The following TAFA1 variants were observed in gnomAD, a reference collection of about 807,000 sequenced individuals.
TAFA1 encodes TAFA chemokine like family member 1, also known as chemokine-like protein TAFA-1.
Under a neutral mutation model 18.5 loss-of-function variants are expected in TAFA1, and 4 were observed. That is an observed-to-expected ratio of 0.22 (90% CI 0.11 to 0.49). TAFA1 has a LOEUF of 0.49. Ranked by LOEUF, TAFA1 falls within the 20% of genes least tolerant of loss-of-function variation. The pLI, the probability that TAFA1 is intolerant of heterozygous loss-of-function variation, is 0.98. For synonymous variants in TAFA1, 56 were observed against 55.2 expected (o/e 1.01, Z -0.06); for missense variants, 147 against 169.0 (o/e 0.87, Z 0.72).
At chr3:68,109,109 T>G (rs1341423413) in intron 2 of TAFA1, among the ~76,000 whole-genome samples, 1 of 152,116 alleles carries the variant, frequency 6.6e-6, no homozygotes, top group African/African-American at 2.4e-5. Flanking sequence ...TGGTGTGCAT[T>G]GTTGACTCGA....
At chr3:68,471,862 A>G (rs752271839) in intron 3 of TAFA1, among the ~76,000 whole-genome samples, 2 of 152,232 alleles carry the variant, frequency 1.3e-5, no homozygotes, top group African/African-American at 4.8e-5. Flanking sequence ...TGTTAAGGAC[A>G]AAAACTCTGG....
rs190846624 is a variant in TAFA1, at chr3:68,342,037, C to T, written c.119-75243C>T. ...AGAAACTGCATCATCAAATGGTTAC[C>T]ATCTTCCCCTTAAAGCTAGTTGAGC... On this transcript the variant is annotated intron_variant, in intron 2 of 4. Coordinates refer to ENST00000478136, the MANE Select transcript of TAFA1 (RefSeq NM_213609.4). 2.0e-5 allele frequency among the ~76,000 whole-genome samples: 3 copies of T among 152,242 alleles called. No homozygotes were observed. In the East Asian group the frequency reaches 5.8e-4, roughly 29 times the overall value.
chr3:68,511,540 T>C (rs1173171479), intron 3 of TAFA1, among the ~76,000 whole-genome samples: 1 of 152,068 alleles, frequency 6.6e-6, no homozygotes, highest in Non-Finnish European at 1.5e-5. Context: ...GTAAATACCA[T>C]GAGGTTTTCA....
intron 3 of TAFA1, among the ~76,000 whole-genome samples, chr3:68,509,020 A>T (rs1239623633): frequency 6.6e-6 from 1 of 152,134 alleles, no homozygotes; most frequent in Admixed American, 6.6e-5. Context: ...TGTCTAACCC[A>T]AGAGTCCAAC....
At chr3:68,472,109 CT>C (rs534178931) in intron 3 of TAFA1, among the ~76,000 whole-genome samples, 97 of 152,196 alleles carry the variant, frequency 6.4e-4, no homozygotes, top group African/African-American at 2.2e-3. Context: ...TATGGTTTGA[CT>C]GTGTCCCCAC....
At chr3:68,410,630 G>A (rs2070696293) in intron 2 of TAFA1, among the ~76,000 whole-genome samples, 1 of 135,212 alleles carries the variant, frequency 7.4e-6, no homozygotes, top group African/African-American at 2.8e-5. Flanking sequence ...TTAGATAATA[G>A]GTTACTTCAT....
chr3:68,152,869 A>G (rs1476997175), intron 2 of TAFA1, among the ~76,000 whole-genome samples: 1 of 152,034 alleles, frequency 6.6e-6, no homozygotes, highest in Non-Finnish European at 1.5e-5. Flanking sequence ...CTCCGAACCA[A>G]GCAGAAATCA....
chr3:68,427,315 C>T (rs2071075452), intron 3 of TAFA1, among the ~76,000 whole-genome samples: 1 of 151,848 alleles, frequency 6.6e-6, no homozygotes, highest in South Asian at 2.1e-4. Context: ...GTCAGCTCCT[C>T]ATCTCTTTAG....
At chr3:68,134,394 G>C (rs1334096892) in intron 2 of TAFA1, among the ~76,000 whole-genome samples, 2 of 151,962 alleles carry the variant, frequency 1.3e-5, no homozygotes, top group African/African-American at 4.8e-5. Context: ...ATATATACAC[G>C]TACATATGGT....
intron 2 of TAFA1, among the ~76,000 whole-genome samples, chr3:68,073,039 A>G (rs1214219744): frequency 2.6e-5 from 4 of 152,238 alleles, no homozygotes; most frequent in African/African-American, 7.2e-5. Flanking sequence ...TTCTGAAGAG[A>G]AAATTCTGTG....
intron 2 of TAFA1, among the ~76,000 whole-genome samples, chr3:68,312,472 C>A (rs1030212802): frequency 6.6e-6 from 1 of 152,148 alleles, no homozygotes; most frequent in African/African-American, 2.4e-5. Flanking sequence ...CCACCAGATA[C>A]CCTAAACCAT....
intron 3 of TAFA1, among the ~76,000 whole-genome samples, chr3:68,522,552 A>C (rs1036291180): frequency 3.3e-5 from 5 of 152,208 alleles, no homozygotes. Flanking sequence ...GAGTACATAC[A>C]TAAAAGGCAC....
At chr3:68,498,724 T>G (rs1451137007) in intron 3 of TAFA1, among the ~76,000 whole-genome samples, 1 of 8,634 alleles carries the variant, frequency 1.2e-4, no homozygotes, top group Non-Finnish European at 2.8e-4. Context: ...TTTGGTGGCT[T>G]TTTTTTTTTT....
intron 2 of TAFA1, among the ~76,000 whole-genome samples, chr3:68,013,815 G>T (rs4856933): frequency 0.2 from 31,114 of 151,914 alleles, 3,743 homozygotes; most frequent in Non-Finnish European, 0.28. Context: ...TATAATAAAG[G>T]TCCAAAAAAG....
intron 2 of TAFA1, among the ~76,000 whole-genome samples, chr3:68,393,046 C>CA (rs975361476): frequency 2.6e-5 from 4 of 151,710 alleles, no homozygotes; most frequent in African/African-American, 4.8e-5. Context: ...AAAAATCCTC[C>CA]AAAAAATCAA....
chr3:68,121,249 ATGTGTGTGTGTGTG>A (rs67968765), intron 2 of TAFA1, among the ~76,000 whole-genome samples: 20 of 147,970 alleles, frequency 1.4e-4, no homozygotes, highest in Admixed American at 5.4e-4. Flanking sequence ...ATGTACATTA[ATGTGTGTGTGTGTG>A]TGTGTGTGTG....
At chr3:68,295,807 G>T (rs2068197120) in intron 2 of TAFA1, among the ~76,000 whole-genome samples, 2 of 152,128 alleles carry the variant, frequency 1.3e-5, no homozygotes, top group South Asian at 4.2e-4. Context: ...ACAGGGTCTT[G>T]CTATGTTGCC....
At chr3:68,428,934 A>G (rs894281776) in intron 3 of TAFA1, among the ~76,000 whole-genome samples, 7 of 151,948 alleles carry the variant, frequency 4.6e-5, no homozygotes, top group African/African-American at 1.7e-4. Flanking sequence ...CGGGTACAAG[A>G]AACCTAAACC....
rs79163060 is a variant in TAFA1, at chr3:68,195,271, G to A, written c.118+188527G>A. Among the ~76,000 whole-genome samples the A allele has an allele frequency of 5.3e-5, 8 of 149,820 alleles. No individual in the cohort carries two copies. In the East Asian group the frequency reaches 1.4e-3, roughly 26 times the overall value. On this transcript the variant is annotated intron_variant, in intron 2 of 4. Transcript: ENST00000478136. ...TTCTTTCTAAATCCTTAAGGGATAA[G>A]TCTGTGCCCCAGGAAAATACAACAT...
Sources: allele counts gnomAD v4.1 joint callset (sites outside exome capture counted in the v4.1 genomes callset), GRCh38; gene constraint gnomAD v4.1.1; transcripts MANE v1.5; gene names NCBI Gene and HGNC (gene_info 2026-07-23, HGNC 2026-07-21).